Variants in MBNL2 observed in about 807,000 individuals in gnomAD.
MBNL2 encodes muscleblind-like protein 2.
A neutral mutation model predicts 41.9 loss-of-function variants in MBNL2; 17 were observed. That is an observed-to-expected ratio of 0.41 (90% CI 0.28 to 0.61). The LOEUF (loss-of-function observed/expected upper bound fraction) is 0.61, where lower values mean the gene tolerates loss of function less well. MBNL2 is among the 20% of genes least tolerant of loss of function. The pLI is 0.35. For missense variants in MBNL2, 336 were observed against 505.6 expected (o/e 0.66, Z 3.22); for synonymous variants, 195 against 182.9 (o/e 1.07, Z -0.53).
At chr13:97,373,816 C>G (rs2064651199) in intron 8 of MBNL2, among the ~76,000 whole-genome samples, 1 of 152,042 alleles carries the variant, frequency 6.6e-6, no homozygotes, top group Non-Finnish European at 1.5e-5. Flanking sequence ...ATAAATGCAT[C>G]TGCAGATTCT....
At chr13:97,263,877 G>A (rs9516883) in intron 1 of MBNL2, among the ~76,000 whole-genome samples, 85 of 151,960 alleles carry the variant, frequency 5.6e-4, no homozygotes, top group Middle Eastern at 3.4e-3. Context: ...CTCGGCCTCC[G>A]AAAGTGCTCG....
At chr13:97,148,474 G>A in the MBNL2 span, among the ~76,000 whole-genome samples, 1 of 152,158 alleles carries the variant, frequency 6.6e-6, no homozygotes, top group Non-Finnish European at 1.5e-5. Context: ...TGATAATGAT[G>A]TGTCAATGTA....
At chr13:97,359,450 A>G (rs1420040939) in intron 7 of MBNL2, among the ~76,000 whole-genome samples, 1 of 152,222 alleles carries the variant, frequency 6.6e-6, no homozygotes, top group African/African-American at 2.4e-5. Context: ...CTCAAACCCA[A>G]CAATGACTGA....
the MBNL2 span, among the ~76,000 whole-genome samples, chr13:97,192,140 G>A: frequency 6.6e-6 from 1 of 152,138 alleles, no homozygotes; most frequent in South Asian, 2.1e-4. Flanking sequence ...GAAGAAACTC[G>A]TATGAGAGAA....
chr13:97,202,260 A>G, the MBNL2 span, among the ~76,000 whole-genome samples: 4 of 152,214 alleles, frequency 2.6e-5, no homozygotes, highest in Admixed American at 2.6e-4. Flanking sequence ...AGGGCTTATT[A>G]TACTCTTCCC....
At chr13:97,203,433 T>C in the MBNL2 span, among the ~76,000 whole-genome samples, 1 of 152,154 alleles carries the variant, frequency 6.6e-6, no homozygotes, top group Non-Finnish European at 1.5e-5. Flanking sequence ...CCCACATTGC[T>C]ACTAGTTTAA....
chr13:97,266,360 G>A (rs989297782), intron 1 of MBNL2, among the ~76,000 whole-genome samples: 3 of 152,192 alleles, frequency 2.0e-5, no homozygotes, highest in East Asian at 1.9e-4. Context: ...TTTTCTTTGC[G>A]AAGTCAATCG....
At chr13:97,352,232 G>A (rs546306890) in intron 5 of MBNL2, among the ~76,000 whole-genome samples, 56 of 152,062 alleles carry the variant, frequency 3.7e-4, no homozygotes, top group Middle Eastern at 6.8e-3. Flanking sequence ...CTTTCCCTTT[G>A]CAGTCACAAC....
chr13:97,347,305 G>A (rs999703229), intron 5 of MBNL2, among the ~76,000 whole-genome samples: 7 of 152,160 alleles, frequency 4.6e-5, no homozygotes, highest in African/African-American at 1.7e-4. Flanking sequence ...TGGGGTCCCT[G>A]AGCTCCGTTC....
chr13:97,244,093 C>A (rs539364755), intron 1 of MBNL2, among the ~76,000 whole-genome samples: 1 of 152,102 alleles, frequency 6.6e-6, no homozygotes, highest in Non-Finnish European at 1.5e-5. Flanking sequence ...CATGTAACAA[C>A]GAATAATGGT....
chr13:97,368,275 G>A (rs759818613), intron 8 of MBNL2, among the ~76,000 whole-genome samples: 28 of 151,990 alleles, frequency 1.8e-4, no homozygotes, highest in Admixed American at 5.9e-4. Context: ...AGCCAGGCAC[G>A]GGGTGCCATA....
Position 97,366,987 on chromosome 13 carries a change from C to A in MBNL2, c.1048+1816C>A, listed in dbSNP as rs1188185388. The stretch of plus-strand genomic sequence containing the variant: ...CTCTTAGAAAGAGTCATATTTGAGG[C>A]CTAAGTGTCATATTTGAGGTCTGAA... On this transcript the variant is annotated intron_variant, in intron 8 of 8. Transcript: ENST00000679496. The surrounding 1 kb of genome is among the most constrained non-coding windows in gnomAD (Gnocchi z 4.7). Among the ~76,000 whole-genome samples, 1 of 152,046 alleles carries A rather than the reference C, an allele frequency of 6.6e-6. No homozygotes were observed. The highest frequency in any genetic ancestry group is 1.5e-5 in the Non-Finnish European group (1 of 68,004).
At chr13:97,201,266 G>A in the MBNL2 span, among the ~76,000 whole-genome samples, 2 of 152,212 alleles carry the variant, frequency 1.3e-5, no homozygotes, top group African/African-American at 2.4e-5. Flanking sequence ...TGTCTGATTC[G>A]CATTCCCGTT....
At chr13:97,227,052 AC>A (rs1461496768) in intron 1 of MBNL2, among the ~76,000 whole-genome samples, 10 of 101,070 alleles carry the variant, frequency 9.9e-5, no homozygotes, top group South Asian at 5.6e-4. Flanking sequence ...AAAAAAAAAA[AC>A]AAAAAAAAAA....
At chr13:97,278,929 A>T (rs1230809180) in intron 2 of MBNL2, among the ~76,000 whole-genome samples, 1 of 152,180 alleles carries the variant, frequency 6.6e-6, no homozygotes, top group Non-Finnish European at 1.5e-5. Context: ...TGGGTGTGTC[A>T]TTTATGACTT....
At chr13:97,237,087 A>G (rs1310816867) in intron 1 of MBNL2, among the ~76,000 whole-genome samples, 2 of 152,206 alleles carry the variant, frequency 1.3e-5, no homozygotes, top group Non-Finnish European at 2.9e-5. Flanking sequence ...ATAAATAAGG[A>G]TGGCTAAGGA....
upstream of MBNL2, among the ~76,000 whole-genome samples, chr13:97,219,896 G>T (rs568069029): frequency 6.6e-6 from 1 of 152,224 alleles, no homozygotes; most frequent in Admixed American, 6.5e-5. Context: ...AAATCATCAT[G>T]ATAAAAGATA....
At position 97,334,148 on chromosome 13, in the gene MBNL2, C is replaced by CCACACCCA. The variant is rs1555315953; in HGVS notation, c.175-123_175-122insCCACACAC. 152 of 547,418 alleles carry CCACACCCA rather than the reference C, an allele frequency of 2.8e-4. 1 individual carries two copies. The highest frequency in any genetic ancestry group is 4.3e-4 in the Middle Eastern group (1 of 2,328). 33.9% of individuals were successfully genotyped at this position (547,418 alleles called of 1,614,324 possible). A position where few individuals can be genotyped will look rare whatever the true frequency, so the allele number is the denominator to read the frequency against. ...AACACATGAGCATGCGCGCGCACAC[C>CCACACCCA]CACACACACACACACACACACACAC... On this transcript the variant is annotated intron_variant, in intron 2 of 8. Coordinates refer to ENST00000679496, the MANE Select transcript of MBNL2 (RefSeq NM_001382683.1). This position sits in a 1 kb window ranked among gnomAD's most constrained non-coding sequence, Gnocchi z 5.3.
At chr13:97,173,734 C>A in the MBNL2 span, among the ~76,000 whole-genome samples, 10,881 of 152,226 alleles carry the variant, frequency 0.071, 642 homozygotes, top group African/African-American at 0.17. Flanking sequence ...TGTTCCCCCA[C>A]AAACAGCAGG....
Sources: gnomAD v4.1 joint callset for allele counts (sites outside exome capture counted in the v4.1 genomes callset) on GRCh38, gnomAD v4.1.1 for gene constraint, Gnocchi (gnomAD v3.1) non-coding constraint, MANE v1.5 for transcripts, NCBI Gene and HGNC (gene_info 2026-07-23, HGNC 2026-07-21) for gene names.